The following NBEA variants were observed in gnomAD, a reference collection of about 807,000 sequenced individuals.
The protein encoded by NBEA is lysosomal-trafficking regulator 2.
Under a neutral mutation model 343.4 loss-of-function variants are expected in NBEA, and 44 were observed. That is an observed-to-expected ratio of 0.13 (90% CI 0.10 to 0.16). NBEA has a LOEUF of 0.16. Ranked by LOEUF, NBEA falls within the 10% of genes least tolerant of loss-of-function variation. The pLI, the probability that NBEA is intolerant of heterozygous loss-of-function variation, is 1.00. For missense variants in NBEA, 2,555 were observed against 3,631.3 expected (o/e 0.70, Z 7.62); for synonymous variants, 1,175 against 1,238.7 (o/e 0.95, Z 1.08).
chr13:35,039,586 C>T (rs1432861590), intron 1 of NBEA, among the ~76,000 whole-genome samples: 1 of 152,094 alleles, frequency 6.6e-6, no homozygotes, highest in Non-Finnish European at 1.5e-5. Flanking sequence ...AACTCTGTGC[C>T]TATGATTCCT....
chr13:35,404,748 TATA>T (rs2043184767), intron 38 of NBEA, among the ~76,000 whole-genome samples: 1 of 151,520 alleles, frequency 6.6e-6, no homozygotes, highest in South Asian at 2.1e-4. Context: ...AAACTTAAAG[TATA>T]ATAATAATAA....
chr13:35,247,252 C>T (rs939748123), intron 34 of NBEA, among the ~76,000 whole-genome samples: 10 of 152,212 alleles, frequency 6.6e-5, no homozygotes, highest in Non-Finnish European at 1.5e-4. Flanking sequence ...CGTCTCCTGC[C>T]TGTCATGTCT....
In NBEA at chr13:35,602,706, G is replaced by A. The variant is rs554595341; in HGVS notation, c.7297-3720G>A. ...ATTTGGGTGGCCTGATAAGAATGGA[G>A]CCAAAAAAACCATCCTTACTTAGAA... On this transcript the variant is annotated intron_variant, in intron 47 of 58. Coordinates refer to ENST00000379939, the MANE Select transcript of NBEA (RefSeq NM_001385012.1). Among the ~76,000 whole-genome samples the A allele has an allele frequency of 5.3e-5, 8 of 152,216 alleles. No homozygotes were observed. The South Asian group carries it at 1.7e-3, about 32-fold the overall frequency.
chr13:34,979,983 G>C (rs1423170626), intron 1 of NBEA, among the ~76,000 whole-genome samples: 1 of 152,084 alleles, frequency 6.6e-6, no homozygotes, highest in Non-Finnish European at 1.5e-5. Flanking sequence ...CTATTGGATT[G>C]CTGTAGTACC....
intron 33 of NBEA, among the ~76,000 whole-genome samples, chr13:35,232,251 C>T (rs9600362): frequency 0.026 from 3,912 of 152,202 alleles, 66 homozygotes; most frequent in Non-Finnish European, 0.038. Flanking sequence ...TTGGCCCTTT[C>T]GGGTGGCATA....
chr13:35,610,960 A>G (rs978358367), intron 48 of NBEA, among the ~76,000 whole-genome samples: 15 of 152,076 alleles, frequency 9.9e-5, no homozygotes, highest in Non-Finnish European at 1.5e-5. Flanking sequence ...CATATCAAAA[A>G]TTAATCCACA....
At chr13:35,572,951 T>A (rs2080511243) in intron 45 of NBEA, among the ~76,000 whole-genome samples, 1 of 152,134 alleles carries the variant, frequency 6.6e-6, no homozygotes, top group South Asian at 2.1e-4. Flanking sequence ...AAATATGAAG[T>A]ATGGGCAAAA....
intron 41 of NBEA, among the ~76,000 whole-genome samples, chr13:35,539,840 C>A (rs911488456): frequency 7.4e-6 from 1 of 135,578 alleles, no homozygotes; most frequent in Admixed American, 8.4e-5. Context: ...GGCGTGAACC[C>A]GGGAGGCGGA....
At chr13:35,591,903 TG>T (rs1276030369) in intron 46 of NBEA, among the ~76,000 whole-genome samples, 2 of 152,076 alleles carry the variant, frequency 1.3e-5, no homozygotes, top group Non-Finnish European at 2.9e-5. Flanking sequence ...TTATTGAACC[TG>T]GGAATGACAT....
At chr13:35,213,057 TG>T (rs1398686335) in intron 33 of NBEA, among the ~76,000 whole-genome samples, 1 of 152,068 alleles carries the variant, frequency 6.6e-6, no homozygotes, top group African/African-American at 2.4e-5. Flanking sequence ...TAAGTGCTTT[TG>T]GTGTTGTAAA....
At chr13:35,237,272 T>C (rs149519448) in intron 34 of NBEA, among the ~76,000 whole-genome samples, 284 of 152,080 alleles carry the variant, frequency 1.9e-3, no homozygotes, top group Middle Eastern at 0.01. Context: ...TAAGGAAGGA[T>C]TGGTAAGATT....
chr13:35,472,035 G>A (rs1023553153), intron 40 of NBEA, among the ~76,000 whole-genome samples: 1 of 152,078 alleles, frequency 6.6e-6, no homozygotes, highest in Admixed American at 6.5e-5. Context: ...AGTGCTGACT[G>A]CCTAGGGTCT....
intron 41 of NBEA, among the ~76,000 whole-genome samples, chr13:35,548,183 G>A (rs1435584410): frequency 6.6e-6 from 1 of 152,132 alleles, no homozygotes; most frequent in Non-Finnish European, 1.5e-5. Context: ...AAGGACACAG[G>A]TTCGTTTTCA....
chr13:35,418,467 C>T (rs2044076401), intron 38 of NBEA, among the ~76,000 whole-genome samples: 1 of 151,844 alleles, frequency 6.6e-6, no homozygotes, highest in Admixed American at 6.6e-5. Context: ...GAGTGAAGAA[C>T]ATATGAGAAT....
At chr13:35,263,986 G>T (rs941693629) in intron 34 of NBEA, among the ~76,000 whole-genome samples, 8 of 146,786 alleles carry the variant, frequency 5.5e-5, no homozygotes, top group Non-Finnish European at 1.1e-4. Flanking sequence ...ACAAAGAGTT[G>T]TTTTTTTTTT....
intron 18 of NBEA, among the ~76,000 whole-genome samples, chr13:35,149,399 G>T (rs371497652): frequency 1.5e-3 from 228 of 151,138 alleles, no homozygotes; most frequent in African/African-American, 5.4e-3. Context: ...TATTTTTTTT[G>T]CTTGTGAAAA....
intron 49 of NBEA, among the ~76,000 whole-genome samples, chr13:35,645,128 G>T (rs1407719196): frequency 6.6e-6 from 1 of 152,182 alleles, no homozygotes; most frequent in African/African-American, 2.4e-5. Context: ...TTATAAATTA[G>T]AATTGTAGAT....
At chr13:34,996,260 A>G (rs1234482766) in intron 1 of NBEA, among the ~76,000 whole-genome samples, 2 of 152,212 alleles carry the variant, frequency 1.3e-5, no homozygotes, top group African/African-American at 2.4e-5. Context: ...ATCTTGTTAT[A>G]TAAATATAAA....
In NBEA at chr13:35,195,994, G is replaced by A; in HGVS notation, c.5058G>A (p.Leu1686=). The A allele has an allele frequency of 6.2e-7, 1 of 1,613,644 alleles. No individual in the cohort carries two copies. The highest frequency in any genetic ancestry group is 1.7e-5 in the Admixed American group (1 of 59,998). Residue 1686 remains leucine, a synonymous_variant, in exon 31 of 59, where the codon CTG becomes CTA. Coordinates refer to ENST00000379939, the MANE Select transcript of NBEA (RefSeq NM_001385012.1). ...GAGAGGAGCAAGTGGCTAGCATCCTGAATGGGGCAGAATTAGAAACAAGTA... is the reference window on the plus strand; with the variant it reads ...GAGAGGAGCAAGTGGCTAGCATCCTAAATGGGGCAGAATTAGAAACAAGTA... ...GIGEEQVASI[L]NGAELETSTG... is the part of the protein sequence containing the mutation.
Sources: allele counts gnomAD v4.1 joint callset (sites outside exome capture counted in the v4.1 genomes callset), GRCh38; gene constraint gnomAD v4.1.1; transcripts MANE v1.5; gene names NCBI Gene and HGNC (gene_info 2026-07-23, HGNC 2026-07-21).